The following SEPTIN14 variants were observed in gnomAD, a reference collection of about 807,000 sequenced individuals.
The protein encoded by SEPTIN14 is septin-14.
SEPTIN14 carries 40 observed loss-of-function variants against 53.6 expected under a neutral mutation model. The observed-to-expected ratio is 0.75, with a 90% CI of 0.58 to 0.97. The LOEUF (loss-of-function observed/expected upper bound fraction) is 0.97, where lower values mean the gene tolerates loss of function less well. Ranked by LOEUF, SEPTIN14 falls within the 50% of genes least tolerant of loss-of-function variation. The probability of loss-of-function intolerance (pLI) is 0.00; values close to 1 mark genes in which losing one functional copy is unlikely to be tolerated. For missense variants in SEPTIN14, 471 were observed against 508.2 expected (o/e 0.93, Z 0.70); for synonymous variants, 138 against 166.8 (o/e 0.83, Z 1.33).
At chr7:55,804,267 GTT>G (rs778497124) in intron 9 of SEPTIN14, among the ~76,000 whole-genome samples, 1 of 129,104 alleles carries the variant, frequency 7.7e-6, no homozygotes. Flanking sequence ...GGTTTTTTTT[GTT>G]TTTTTTTTTT....
At chr7:55,811,120 C>T (rs1030536407) in intron 7 of SEPTIN14, 1 of 474,300 alleles carries the variant, frequency 2.1e-6, no homozygotes, top group Admixed American at 2.5e-5. Flanking sequence ...ATAGCTCCCG[C>T]GGTGATATCC....
chr7:55,800,045 T>C (rs1020033793), intron 9 of SEPTIN14, among the ~76,000 whole-genome samples: 1 of 152,212 alleles, frequency 6.6e-6, no homozygotes, highest in African/African-American at 2.4e-5. Context: ...CTTTTTATCA[T>C]AATAGTATAA....
rs141656203 is a variant in SEPTIN14 at position 55,809,977 on chromosome 7, C to T, written c.818-2719G>A. On this transcript the variant is annotated intron_variant, in intron 7 of 9. Coordinates refer to ENST00000388975, the MANE Select transcript of SEPTIN14 (RefSeq NM_207366.3). ...CCTCCCAAGTAGCTGGGACTACAGGCGCCCGTCACTACGCCAGGCTGATTT... is the reference window on the plus strand; with the variant it reads ...CCTCCCAAGTAGCTGGGACTACAGGTGCCCGTCACTACGCCAGGCTGATTT... Among the ~76,000 whole-genome samples the T allele has an allele frequency of 7.9e-3, 1,203 of 151,778 alleles. 20 individuals are homozygous for T. The highest frequency in any genetic ancestry group is 0.028 in the African/African-American group (1,142 of 41,392).
chr7:55,809,786 A>G lies in SEPTIN14; in HGVS notation c.818-2528T>C, dbSNP rs533649349. ...AATAAAAATTAAAAAAAAAAAAAAA[A>G]GAATTCTCTCTTCTCCATATGCTTG... On this transcript the variant is annotated intron_variant, in intron 7 of 9. Transcript: ENST00000388975. Among the ~76,000 whole-genome samples the G allele has an allele frequency of 2.6e-3, 383 of 148,758 alleles. 4 individuals are homozygous for G. The highest frequency in any genetic ancestry group is 0.01 in the Middle Eastern group (3 of 294).
Position 55,843,054 on chromosome 7 carries a change from G to A in SEPTIN14, c.446C>T (p.Ser149Phe), listed in dbSNP as rs1228190240. Reference protein sequence around the residue: ...YLQEELKIKRSLFEYHDSRVH... With the variant: ...YLQEELKIKRFLFEYHDSRVH... Reference sequence around the variant, plus strand: ...GCGAGAATCATGGTACTCAAACAAGGAACGTTTAATCTTCAGTTCTTCTTG... The same window carrying A: ...GCGAGAATCATGGTACTCAAACAAGAAACGTTTAATCTTCAGTTCTTCTTG... Residue 149 changes from serine to phenylalanine, a missense_variant, in exon 5 of 10, where the codon TCC becomes TTC. Physicochemically the swap from Ser to Phe is radical, Grantham distance 155. Coordinates refer to ENST00000388975, the MANE Select transcript of SEPTIN14 (RefSeq NM_207366.3). 6.2e-7 allele frequency: 1 copy of A among 1,607,516 alleles called. No homozygotes were observed. Among genetic ancestry groups the A allele is most frequent in the East Asian group, 2.2e-5 (1 of 44,750 alleles).
At chr7:55,846,717 C>T in intron 2 of SEPTIN14, 80 bp from the exon 3 acceptor site, 2 of 692,544 alleles carry the variant, frequency 2.9e-6, no homozygotes, top group Non-Finnish European at 4.8e-6. Flanking sequence ...TATAGTACAT[C>T]AAATAAATTA....
rs77349138 is a variant in SEPTIN14 at position 55,806,916 on chromosome 7, T to C, written c.986+174A>G. On this transcript the variant is annotated intron_variant, in intron 8 of 9. Transcript: ENST00000388975. ...ATGAGATCTCGCATTATATTGTTCC[T>C]ACTATCTCTACCTTCGTCAAAAGAT... 6.7e-3 allele frequency among the ~76,000 whole-genome samples: 1,014 copies of C among 152,344 alleles called. 22 individuals are homozygous for C. Among genetic ancestry groups the C allele is most frequent in the South Asian group, 0.037 (178 of 4,820 alleles).
At chr7:55,813,918 CT>C (rs1788749065) in intron 7 of SEPTIN14, among the ~76,000 whole-genome samples, 1 of 152,150 alleles carries the variant, frequency 6.6e-6, no homozygotes, top group African/African-American at 2.4e-5. Flanking sequence ...TGCCATGGGC[CT>C]TGGGCAGGAC....
intron 5 of SEPTIN14, among the ~76,000 whole-genome samples, chr7:55,836,870 A>G (rs980149739): frequency 6.6e-6 from 1 of 152,230 alleles, no homozygotes; most frequent in Non-Finnish European, 1.5e-5. Flanking sequence ...ATCTGAGATT[A>G]AGTACAAAGT....
intron 6 of SEPTIN14, among the ~76,000 whole-genome samples, chr7:55,829,820 CA>C (rs35998043): frequency 0.048 from 1,802 of 37,304 alleles, 3 homozygotes; most frequent in Admixed American, 0.074. Context: ...GACTCCATCT[CA>C]AAAAAAAAAA....
rs530731079 is a variant in SEPTIN14, at chr7:55,818,185, T to C, written c.817+942A>G. Among the ~76,000 whole-genome samples the C allele has an allele frequency of 2.0e-5, 3 of 152,162 alleles. No individual in the cohort carries two copies. The South Asian group carries it at 6.2e-4, about 32-fold the overall frequency. On this transcript the variant is annotated intron_variant, in intron 7 of 9. Transcript: ENST00000388975. ...ATATGTCAATTTTTTAACAACATCA[T>C]TTGAGGCTGGACACGGTGGCTCATG...
intron 6 of SEPTIN14, among the ~76,000 whole-genome samples, chr7:55,822,161 G>A (rs1788906639): frequency 6.6e-6 from 1 of 152,086 alleles, no homozygotes; most frequent in Admixed American, 6.6e-5. Context: ...TTGAGATTTG[G>A]GTGGAGACAC....
intron 6 of SEPTIN14, among the ~76,000 whole-genome samples, chr7:55,828,555 C>T (rs889076967): frequency 1.7e-4 from 26 of 152,052 alleles, no homozygotes; most frequent in African/African-American, 5.6e-4. Context: ...CCGCCCATCT[C>T]GGCCTCCCAA....
chr7:55,821,843 G>A (rs1358128234), intron 6 of SEPTIN14, among the ~76,000 whole-genome samples: 2 of 152,152 alleles, frequency 1.3e-5, no homozygotes, highest in Non-Finnish European at 2.9e-5. Context: ...ATATTAGTCT[G>A]TTTTAACGCT....
intron 2 of SEPTIN14, among the ~76,000 whole-genome samples, chr7:55,853,274 A>G (rs958617570): frequency 6.6e-6 from 1 of 152,256 alleles, no homozygotes; most frequent in East Asian, 1.9e-4. Flanking sequence ...TTTGGAAGCA[A>G]CCTAAGTGTC....
At position 55,846,604 on chromosome 7, in the gene SEPTIN14, T is replaced by G. The variant is rs571584521; in HGVS notation, c.88A>C (p.Ile30Leu). ...KENNIRCLTT[I>L]GHFGFECLPN... ...AAACATTCAAAACCAAAATGTCCAA[T>G]CGTAGTTAAACAACGAATATTATTT... Residue 30 changes from isoleucine to leucine, a missense_variant, in exon 3 of 10, where the codon ATT becomes CTT. Transcript: ENST00000388975. 2 of 1,505,042 alleles carry G rather than the reference T, an allele frequency of 1.3e-6. No homozygotes were observed. Among genetic ancestry groups the G allele is most frequent in the Non-Finnish European group, 1.8e-6 (2 of 1,085,112 alleles). 93.2% of individuals were successfully genotyped at this position (1,505,042 alleles called of 1,614,324 possible).
At chr7:55,857,322 A>T (rs1008424090) in intron 2 of SEPTIN14, among the ~76,000 whole-genome samples, 1 of 150,356 alleles carries the variant, frequency 6.7e-6, no homozygotes, top group Non-Finnish European at 1.5e-5. Context: ...CAGTGAGCCA[A>T]GATTGAGCCA....
At chr7:55,809,309 C>CT (rs780613537) in intron 7 of SEPTIN14, among the ~76,000 whole-genome samples, 4,428 of 88,606 alleles carry the variant, frequency 0.05, 232 homozygotes, top group African/African-American at 0.13. Context: ...ACTATGCTTA[C>CT]TTTTTTTTTT....
At chr7:55,842,433 C>G (rs1035887546) in intron 5 of SEPTIN14, among the ~76,000 whole-genome samples, 43 of 151,984 alleles carry the variant, frequency 2.8e-4, no homozygotes, top group Middle Eastern at 3.4e-3. Flanking sequence ...TAGTGACACC[C>G]TGTCTCTACA....
Sources: allele counts gnomAD v4.1 joint callset (sites outside exome capture counted in the v4.1 genomes callset), GRCh38; gene constraint gnomAD v4.1.1; transcripts MANE v1.5; gene names NCBI Gene and HGNC (gene_info 2026-07-23, HGNC 2026-07-21).